The following HDHD2 variants were observed in gnomAD, a reference collection of about 807,000 sequenced individuals.
The protein encoded by HDHD2 is haloacid dehalogenase like hydrolase domain containing 2.
A neutral mutation model predicts 24.8 loss-of-function variants in HDHD2; 26 were observed. The observed-to-expected ratio is 1.05, with a 90% CI of 0.77 to 1.45. The LOEUF is 1.45. Among genes scored for constraint, HDHD2 ranks in the 40% most tolerant of loss-of-function variants. The probability of loss-of-function intolerance (pLI) is 0.00; values close to 1 mark genes in which losing one functional copy is unlikely to be tolerated. For synonymous variants in HDHD2, 128 were observed against 114.9 expected, an observed-to-expected ratio of 1.11 and a Z score of -0.73; for missense variants, 299 against 313.4, an observed-to-expected ratio of 0.95 and a Z score of 0.35.
chr18:47,115,089 A>C (rs751865783), intron 5 of HDHD2, 43 bp downstream of exon 5: 9 of 1,447,908 alleles, frequency 6.2e-6, no homozygotes, highest in Non-Finnish European at 7.7e-6. Flanking sequence ...CTTTCCCAGC[A>C]CAACAGGTGA....
At chr18:47,120,662 A>G (rs371328138) in intron 4 of HDHD2, among the ~76,000 whole-genome samples, 9 of 152,322 alleles carry the variant, frequency 5.9e-5, no homozygotes, top group East Asian at 3.9e-4. Flanking sequence ...CTTTCAGCCT[A>G]TCTCGGCTTT....
At chr18:47,114,750 G>A (rs772991432) in intron 5 of HDHD2, among the ~76,000 whole-genome samples, 2 of 152,110 alleles carry the variant, frequency 1.3e-5, no homozygotes, top group Non-Finnish European at 2.9e-5. Context: ...ATTCTTTGGT[G>A]TAGGTTCTCA....
intron 4 of HDHD2, among the ~76,000 whole-genome samples, chr18:47,128,820 G>A (rs1384704822): frequency 1.3e-5 from 2 of 152,164 alleles, no homozygotes; most frequent in South Asian, 2.1e-4. Flanking sequence ...TTACATGAGG[G>A]CAGTCATTTT....
chr18:47,121,052 G>A (rs1317965246), intron 4 of HDHD2, among the ~76,000 whole-genome samples: 1 of 151,468 alleles, frequency 6.6e-6, no homozygotes, highest in African/African-American at 2.4e-5. Flanking sequence ...CATACTGTTG[G>A]AAATATGGTG....
intron 4 of HDHD2, among the ~76,000 whole-genome samples, chr18:47,128,869 C>T (rs1461201773): frequency 6.6e-6 from 1 of 152,140 alleles, no homozygotes; most frequent in African/African-American, 2.4e-5. Context: ...ATGTGTGAAC[C>T]TGGGTAGTGA....
Position 47,115,351 on chromosome 18 carries a change from A to G in HDHD2, c.396-3T>C. On this transcript the variant is annotated splice_polypyrimidine_tract_variant and splice_region_variant and intron_variant, in intron 4 of 6. Coordinates refer to ENST00000300605, the MANE Select transcript of HDHD2 (RefSeq NM_032124.5). ...GAGGTGCTCCATCCAGGAGTAACCT[A>G]GAGAGAACAACAACAAAAAAAACAA... 6.2e-7 allele frequency: 1 copy of G among 1,606,730 alleles called. No individual in the cohort carries two copies. Among genetic ancestry groups the G allele is most frequent in the South Asian group, 1.1e-5 (1 of 89,756 alleles).
chr18:47,109,896 C>T, intron 6 of HDHD2: 1 of 812,016 alleles, frequency 1.2e-6, no homozygotes, highest in Non-Finnish European at 1.5e-6. Flanking sequence ...CAATGTATTC[C>T]AAGTACCTAA....
In HDHD2 at chr18:47,112,510, C is replaced by T. The variant is rs116831791; in HGVS notation, c.676+467G>A. On this transcript the variant is annotated intron_variant, in intron 6 of 6. Coordinates refer to ENST00000300605, the MANE Select transcript of HDHD2 (RefSeq NM_032124.5). ...TTCTTAACCTTTTGCTCACCACAAA[C>T]GGTAAGTAAAGAGAAAAAAGAGTTT... Among the ~76,000 whole-genome samples the T allele has an allele frequency of 6.4e-3, 974 of 152,198 alleles. 13 individuals are homozygous for T. The highest frequency in any genetic ancestry group is 0.022 in the African/African-American group (919 of 41,526).
intron 1 of HDHD2, among the ~76,000 whole-genome samples, chr18:47,141,066 T>C (rs1437912588): frequency 2.0e-5 from 3 of 152,328 alleles, no homozygotes; most frequent in Non-Finnish European, 2.9e-5. Flanking sequence ...GGAATGCTTT[T>C]AGTATTTAAA....
At chr18:47,149,931 C>G (rs2063913168) in intron 1 of HDHD2, 1 of 152,564 alleles carries the variant, frequency 6.6e-6, no homozygotes, top group Admixed American at 6.5e-5. Flanking sequence ...GCTGGAAGGC[C>G]CCAACAACAA....
At chr18:47,126,665 T>TA (rs1173125610) in intron 4 of HDHD2, among the ~76,000 whole-genome samples, 1 of 152,078 alleles carries the variant, frequency 6.6e-6, no homozygotes, top group East Asian at 1.9e-4. Flanking sequence ...GATATTTTAA[T>TA]AAGCTACTCT....
At position 47,137,151 on chromosome 18, in the gene HDHD2, A is replaced by G. The variant is rs889661147; in HGVS notation, c.-10-702T>C. The G allele has an allele frequency of 5.5e-6, 4 of 723,364 alleles. No homozygotes were observed. In the African/African-American group the frequency reaches 6.9e-5, roughly 12 times the overall value. The allele number at this position is 723,364 out of a possible 1,614,324, so 44.8% of individuals were successfully genotyped here. A position where few individuals can be genotyped will look rare whatever the true frequency, so the allele number is the denominator to read the frequency against. On this transcript the variant is annotated intron_variant, in intron 1 of 6. Transcript: ENST00000300605. ...CATACACCACTTGGTAAACTAATGAAAGACTATTGTGAATGACAGGGATTG... is the reference window on the plus strand; with the variant it reads ...CATACACCACTTGGTAAACTAATGAGAGACTATTGTGAATGACAGGGATTG...
chr18:47,119,244 A>G (rs1435928184), intron 4 of HDHD2, among the ~76,000 whole-genome samples: 2 of 152,154 alleles, frequency 1.3e-5, no homozygotes, highest in Non-Finnish European at 2.9e-5. Context: ...CATCAGTTTA[A>G]TCTTCCTTTC....
At chr18:47,114,111 G>A (rs1017636261) in intron 5 of HDHD2, among the ~76,000 whole-genome samples, 3 of 152,180 alleles carry the variant, frequency 2.0e-5, no homozygotes, top group African/African-American at 7.2e-5. Context: ...ATTTGTCTAG[G>A]AAAGGCAGCT....
At chr18:47,143,841 C>T (rs1599966641) in intron 1 of HDHD2, among the ~76,000 whole-genome samples, 4 of 152,232 alleles carry the variant, frequency 2.6e-5, no homozygotes, top group Admixed American at 2.6e-4. Context: ...TGTACTAGCT[C>T]AGAAAGCAAT....
At chr18:47,111,189 G>A (rs1259888852) in intron 6 of HDHD2, 5 of 985,146 alleles carry the variant, frequency 5.1e-6, no homozygotes, top group Admixed American at 1.2e-4. Flanking sequence ...GGACTTGATT[G>A]TGTTACGCTG....
chr18:47,129,000 G>GT (rs1003327158), intron 4 of HDHD2, among the ~76,000 whole-genome samples: 32 of 145,992 alleles, frequency 2.2e-4, no homozygotes, highest in South Asian at 1.1e-3. Context: ...ATTCTGGTTT[G>GT]TTTTTTTTTT....
chr18:47,122,385 A>T (rs2063615436), intron 4 of HDHD2, among the ~76,000 whole-genome samples: 1 of 152,166 alleles, frequency 6.6e-6, no homozygotes, highest in Non-Finnish European at 1.5e-5. Flanking sequence ...ACCTATGTAT[A>T]TAGGATGTTT....
In HDHD2 at chr18:47,137,260, A is replaced by G; in HGVS notation, c.-10-811T>C. ...CTGCACATTTGGAAATGGAGGCTGA[A>G]GATACAATGGATGTGTTCCAGTAGC... On this transcript the variant is annotated intron_variant, in intron 1 of 6. Transcript: ENST00000300605. 3.2e-5 allele frequency: 18 copies of G among 557,530 alleles called. 2 individuals carry two copies. Among genetic ancestry groups the G allele is most frequent in the South Asian group, 3.1e-4 (18 of 58,760 alleles). 34.5% of individuals were successfully genotyped at this position (557,530 alleles called of 1,614,324 possible).
Sources: gnomAD v4.1 joint callset for allele counts (sites outside exome capture counted in the v4.1 genomes callset) on GRCh38, gnomAD v4.1.1 for gene constraint, MANE v1.5 for transcripts, NCBI Gene and HGNC (gene_info 2026-07-23, HGNC 2026-07-21) for gene names.